Variants in CCDC78 observed in about 807,000 individuals in gnomAD.
CCDC78 encodes coiled-coil domain containing 78.
In CCDC78, 78 loss-of-function variants were observed where a neutral mutation model predicts 61.9. The observed-to-expected ratio is 1.26, with a 90% CI of 1.05 to 1.52. The LOEUF is 1.52. Ranked by LOEUF, CCDC78 falls within the 40% of genes most tolerant of loss-of-function variation. CCDC78 has a pLI of 0.00. For missense variants in CCDC78, 737 were observed against 615.5 expected (o/e 1.20, Z -2.09); for synonymous variants, 287 against 251.9 (o/e 1.14, Z -1.32).
Position 725,501 on chromosome 16 carries a change from TC to T in CCDC78, c.346del (p.Glu116SerfsTer37). The T allele has an allele frequency of 6.2e-7, 1 of 1,612,634 alleles. No homozygotes were observed. Among genetic ancestry groups the T allele is most frequent in the Non-Finnish European group, 8.5e-7 (1 of 1,179,974 alleles). ...GTSQGCAVPV[E>X]SDPRHPRAAA... ...TGCCCGGGGATGCCTGGGGTCAGAC[TC>T]CACTGGGACTGCACAGCCCTGGCTG... On this transcript the variant is annotated frameshift_variant, in exon 4 of 14. Coordinates refer to ENST00000345165, the MANE Select transcript of CCDC78 (RefSeq NM_001378030.1). LOFTEE classifies it high-confidence loss of function.
At chr16:724,652 A>T (rs749080322) in intron 8 of CCDC78, 29 bp downstream of exon 8, 4 of 1,602,466 alleles carry the variant, frequency 2.5e-6, no homozygotes, top group Non-Finnish European at 3.4e-6. Flanking sequence ...TGGGCTCCCT[A>T]GGCCTCAGGG....
At position 722,734 on chromosome 16, in the gene CCDC78, T is replaced by C. The variant is rs2040317063; in HGVS notation, c.1357A>G (p.Lys453Glu). The change falls in exon 14 of 14, where the codon AAA becomes GAA. Residue 453 changes from lysine to glutamate, a missense_variant. Transcript: ENST00000345165. ...TTGGCTGGAGGCACAGCCCCCACTTTCCAGGGGTCCCCTGCACCTGCCAGC... is the reference window on the plus strand; with the variant it reads ...TTGGCTGGAGGCACAGCCCCCACTTCCCAGGGGTCCCCTGCACCTGCCAGC... The part of the protein sequence containing the change: ...RKLAGAGDPW[K>E]VGAVPPAKPQ... 6.2e-7 allele frequency: 1 copy of C among 1,611,768 alleles called. No individual in the cohort carries two copies. The highest frequency in any genetic ancestry group is 1.1e-5 in the South Asian group (1 of 91,086).
At chr16:723,661 TTC>T in intron 11 of CCDC78, 194 bp downstream of exon 11, 2 of 702,344 alleles carry the variant, frequency 2.8e-6, no homozygotes, top group Non-Finnish European at 5.2e-6. Flanking sequence ...GCAGCCCCTC[TTC>T]TCTTTCCTGT....
intron 7 of CCDC78, 37 bp downstream of exon 7, chr16:724,874 C>T (rs746104467): frequency 6.9e-6 from 11 of 1,599,108 alleles, no homozygotes; most frequent in South Asian, 6.7e-5. Flanking sequence ...GGGGCCCCCA[C>T]CCTCCAGGTC....
At position 723,919 on chromosome 16, in the gene CCDC78, T is replaced by A; in HGVS notation, c.1071A>T (p.Ala357=). Residue 357 remains alanine (A), a synonymous_variant, in exon 11 of 14, where the codon GCA becomes GCT. Transcript: ENST00000345165. ...HREDQHGGPG[A]LLSSPKKRPG... is the part of the protein sequence containing the mutation. ...GTCTCTTTTTTGGGGATGAGAGCAG[T>A]GCCCCAGGCCCGCCGTGCTACAGAG... is the stretch of plus-strand genomic sequence containing the variant. 7 of 1,601,118 alleles carry A rather than the reference T, an allele frequency of 4.4e-6. No individual in the cohort carries two copies. Among genetic ancestry groups the A allele is most frequent in the Non-Finnish European group, 6.0e-6 (7 of 1,173,828 alleles).
rs747340016 is a variant in CCDC78 at position 725,952 on chromosome 16, G to T, written c.180+14C>A. 9 of 1,562,554 alleles carry T rather than the reference G, an allele frequency of 5.8e-6. No homozygotes were observed. The African/African-American group carries it at 1.2e-4, about 21-fold the overall frequency. On this transcript the variant is annotated intron_variant, in intron 2 of 13. Coordinates refer to ENST00000345165, the MANE Select transcript of CCDC78 (RefSeq NM_001378030.1). The stretch of plus-strand genomic sequence containing the variant: ...CCCTCCCTCCTCACGAGCACGCTGG[G>T]GCCCCACACCCACCTGCAGCTGCTG...
At position 722,783 on chromosome 16, in the gene CCDC78, C is replaced by T. The variant is rs138151643; in HGVS notation, c.1308G>A (p.Lys436=). The part of the protein sequence containing the change: ...EYVDQHLGRY[K]HEILRLRKLA... Reference sequence around the variant, plus strand: ...GCTTCCTCAGCCTCAGGATTTCGTGCTTGTACCTGCTCAGAGGAACCATGC... The same window carrying T: ...GCTTCCTCAGCCTCAGGATTTCGTGTTTGTACCTGCTCAGAGGAACCATGC... The change falls in exon 14 of 14, where the codon AAG becomes AAA. Residue 436 remains lysine, a synonymous_variant. Coordinates refer to ENST00000345165, the MANE Select transcript of CCDC78 (RefSeq NM_001378030.1). 3.1e-6 allele frequency: 5 copies of T among 1,612,536 alleles called. No homozygotes were observed. Among genetic ancestry groups the T allele is most frequent in the Middle Eastern group, 1.6e-4 (1 of 6,082 alleles).
chr16:726,099 G>C lies in CCDC78; in HGVS notation c.61-14C>G, dbSNP rs750092405. ...TCGTAGCACAACCTGGGGAGGTACC[G>C]CCACCCATTCCCCAGGTGGGTCCCA... On this transcript the variant is annotated splice_polypyrimidine_tract_variant and intron_variant, in intron 1 of 13. Transcript: ENST00000345165. 1 of 1,548,962 alleles carries C rather than the reference G, an allele frequency of 6.5e-7. No homozygotes were observed. The highest frequency in any genetic ancestry group is 1.2e-5 in the South Asian group (1 of 84,044).
intron 2 of CCDC78, 38 bp downstream of exon 2, chr16:725,928 C>A (rs1161433431): frequency 1.7e-5 from 27 of 1,581,108 alleles, no homozygotes; most frequent in Non-Finnish European, 2.3e-5. Context: ...CTGCTGGCAC[C>A]CTCCCTCCTC....
Position 725,984 on chromosome 16 carries a change from A to T in CCDC78, c.162T>A (p.Asn54Lys). The T allele has an allele frequency of 6.4e-7, 1 of 1,552,036 alleles. No individual in the cohort carries two copies. The highest frequency in any genetic ancestry group is 1.2e-5 in the South Asian group (1 of 84,674). ...EAEVPPDLAL[N>K]KEQQLQISKE... ...CACCCACCTGCAGCTGCTGCTCCTT[A>T]TTGAGCGCTAGATCTGGTGGGACCT... is the stretch of plus-strand genomic sequence containing the variant. Residue 54 changes from asparagine (N) to lysine (K), a missense_variant, in exon 2 of 14, where the codon AAT (asparagine) becomes AAA (lysine). Physicochemically the swap from Asn to Lys is moderately conservative, Grantham distance 94 (BLOSUM62 0). Transcript: ENST00000345165.
intron 11 of CCDC78, 147 bp downstream of exon 11, chr16:723,710 A>C: frequency 2.7e-6 from 2 of 748,372 alleles, no homozygotes; most frequent in Non-Finnish European, 4.7e-6. Context: ...GAGGGACCCC[A>C]GGGTGGGGAT....
In CCDC78 at chr16:723,235, G is replaced by A. The variant is rs998262357; in HGVS notation, c.1134-74C>T. ...ACACAGGGACAGACGTGACCGTGCT[G>A]AGTCAGGTTCCCAGAGCCGGGAGGG... On this transcript the variant is annotated intron_variant, in intron 11 of 13. Transcript: ENST00000345165. The A allele has an allele frequency of 1.1e-5, 16 of 1,515,736 alleles. No homozygotes were observed. The Admixed American group carries it at 1.3e-4, about 12-fold the overall frequency. 93.9% of individuals were successfully genotyped at this position (1,515,736 alleles called of 1,614,324 possible). A position where few individuals can be genotyped will look rare whatever the true frequency, so the allele number is the denominator to read the frequency against.
Position 726,348 on chromosome 16 carries a change from G to T in CCDC78, c.20C>A (p.Thr7Lys). The change falls in exon 1 of 14, where the codon ACA (threonine) becomes AAA (lysine). Residue 7 changes from threonine to lysine, a missense_variant. By Grantham distance (78) the Thr-to-Lys change is moderately conservative. Coordinates refer to ENST00000345165, the MANE Select transcript of CCDC78 (RefSeq NM_001378030.1). ...AGAGGGAGGTCCAGGCCTGGGGCCTGTGGTGGCTGCGTGCTCCATAGGCTA... is the reference window on the plus strand; with the variant it reads ...AGAGGGAGGTCCAGGCCTGGGGCCTTTGGTGGCTGCGTGCTCCATAGGCTA... MEHAAT[T>K]GPRPGPPSRR... 1 of 1,543,078 alleles carries T rather than the reference G, an allele frequency of 6.5e-7. No individual in the cohort carries two copies.
chr16:723,785 G>A (rs995716577), intron 11 of CCDC78, 72 bp downstream of exon 11: 17 of 1,429,952 alleles, frequency 1.2e-5, no homozygotes, highest in African/African-American at 4.3e-5. Flanking sequence ...GCAACTGGGG[G>A]CCCCAGGGTG....
rs1301509528 is a variant in CCDC78, at chr16:723,954, G to C, written c.1054-18C>G. The stretch of plus-strand genomic sequence containing the variant: ...CCGCCGTGCTACAGAGGTTTGTGGT[G>C]GGGACGTTTCAGTTGGCTGAACAAG... On this transcript the variant is annotated intron_variant, in intron 10 of 13. Transcript: ENST00000345165. 1.2e-6 allele frequency: 2 copies of C among 1,602,394 alleles called. No individual in the cohort carries two copies. Among genetic ancestry groups the C allele is most frequent in the Non-Finnish European group, 1.7e-6 (2 of 1,174,144 alleles).
intron 6 of CCDC78, 32 bp from the exon 7 acceptor site, chr16:725,021 C>T (rs2151560907): frequency 1.2e-6 from 2 of 1,612,418 alleles, no homozygotes; most frequent in Non-Finnish European, 1.7e-6. Flanking sequence ...TCAGCAGGCC[C>T]ACGATCAGGG....
chr16:726,658 C>T, upstream of CCDC78: 1 of 515,544 alleles, frequency 1.9e-6, no homozygotes. Flanking sequence ...CCAGCCTGGG[C>T]GCAGCGGACG....
Position 724,940 on chromosome 16 carries a change from C to T in CCDC78, c.610G>A (p.Ala204Thr). 1 of 1,609,512 alleles carries T rather than the reference C, an allele frequency of 6.2e-7. No homozygotes were observed. The highest frequency in any genetic ancestry group is 1.7e-4 in the Middle Eastern group (1 of 6,046). ...LQGAREEARA[A>T]GQRLATQAVV... ...GCCTGTGTGGCCAGTCGCTGCCCGG[C>T]TGCCCTGGCCTCCTCTCGGGCTCCC... is the stretch of plus-strand genomic sequence containing the variant. Residue 204 changes from alanine (A) to threonine (T), a missense_variant, in exon 7 of 14, where the codon GCC becomes ACC. Ala to Thr is a moderately conservative substitution (Grantham distance 58). Coordinates refer to ENST00000345165, the MANE Select transcript of CCDC78 (RefSeq NM_001378030.1).
At chr16:726,718 CT>C, upstream of CCDC78, 2 of 436,888 alleles carry the variant, frequency 4.6e-6, no homozygotes, top group South Asian at 3.0e-5. Context: ...CTGAGCTACA[CT>C]CGCTGGACAC....
Sources: gnomAD v4.1 joint callset for allele counts on GRCh38, gnomAD v4.1.1 for gene constraint, MANE v1.5 for transcripts, NCBI Gene and HGNC (gene_info 2026-07-23, HGNC 2026-07-21) for gene names.